POLE2: variants seen among roughly 807,000 people sequenced by gnomAD.
POLE2 encodes DNA polymerase epsilon subunit 2.
Under a neutral mutation model 79.4 loss-of-function variants are expected in POLE2, and 56 were observed. That is an observed-to-expected ratio of 0.71 (90% CI 0.57 to 0.88). POLE2 has a LOEUF of 0.88. POLE2 is among the 40% of genes least tolerant of loss of function. The pLI is 0.00. For synonymous variants in POLE2, 212 were observed against 214.0 expected (o/e 0.99, Z 0.08); for missense variants, 598 against 638.9 (o/e 0.94, Z 0.69).
intron 18 of POLE2, among the ~76,000 whole-genome samples, chr14:49,645,439 C>A (rs1483541344): frequency 3.3e-5 from 5 of 152,178 alleles, no homozygotes; most frequent in Non-Finnish European, 7.4e-5. Flanking sequence ...TTCAATATAT[C>A]TTGAAACTTT....
chr14:49,686,487 T>C (rs1887146927), intron 1 of POLE2, among the ~76,000 whole-genome samples: 1 of 152,114 alleles, frequency 6.6e-6, no homozygotes. Context: ...TTTGAGATGA[T>C]CCATCTTGAC....
chr14:49,677,619 A>T lies in POLE2; in HGVS notation c.245+2106T>A, dbSNP rs1886378045. On this transcript the variant is annotated intron_variant, in intron 3 of 18. Transcript: ENST00000216367. ...AGCAGTCACTGTGTCATTGATGAAC[A>T]GACTGATGTCTGGTCCCTGGGCTGT... 5.1e-6 allele frequency: 3 copies of T among 589,666 alleles called. No individual in the cohort carries two copies. In the Admixed American group the frequency reaches 9.0e-5, roughly 18 times the overall value. The allele number at this position is 589,666 out of a possible 1,614,324, so 36.5% of individuals were successfully genotyped here.
chr14:49,677,313 A>G, intron 3 of POLE2: 1 of 532,056 alleles, frequency 1.9e-6, no homozygotes, highest in Non-Finnish European at 3.4e-6. Flanking sequence ...ATGGAGAGAA[A>G]GGCCGAAGGA....
Position 49,655,909 on chromosome 14 carries a change from A to C in POLE2, c.756-66T>G, listed in dbSNP as rs530936597. On this transcript the variant is annotated intron_variant, in intron 10 of 18. Transcript: ENST00000216367. ...AGATATTTTTCTAATAGTTGTATAC[A>C]TTTAGCTTCTTTGTATCTAATGAAG... The C allele has an allele frequency of 1.1e-5, 9 of 818,588 alleles. No individual in the cohort carries two copies. The East Asian group carries it at 2.4e-4, about 22-fold the overall frequency. The allele number at this position is 818,588 out of a possible 1,614,324, so 50.7% of individuals were successfully genotyped here.
intron 3 of POLE2, among the ~76,000 whole-genome samples, chr14:49,674,716 A>AGG (rs1186843079): frequency 6.6e-6 from 1 of 151,956 alleles, no homozygotes; most frequent in Non-Finnish European, 1.5e-5. Flanking sequence ...ACAGGCATGC[A>AGG]CCACCACGTC....
Position 49,688,120 on chromosome 14 carries a change from G to T in POLE2, c.68+16C>A. On this transcript the variant is annotated intron_variant, in intron 1 of 18. Coordinates refer to ENST00000216367, the MANE Select transcript of POLE2 (RefSeq NM_002692.4). ...GCTCTTCCCTCTCGCCCTTCAAGCT[G>T]CCCGAGCCCACTCACCCACGGAGCA... The T allele has an allele frequency of 6.5e-7, 1 of 1,546,398 alleles. No homozygotes were observed. The highest frequency in any genetic ancestry group is 8.7e-7 in the Non-Finnish European group (1 of 1,143,976).
In POLE2 at chr14:49,683,731, T is replaced by G. The variant is rs770013928; in HGVS notation, c.69-38A>C. The G allele has an allele frequency of 1.2e-5, 13 of 1,043,118 alleles. No individual in the cohort carries two copies. In the East Asian group the frequency reaches 3.1e-4, roughly 25 times the overall value. 64.6% of individuals were successfully genotyped at this position (1,043,118 alleles called of 1,614,324 possible). A position where few individuals can be genotyped will look rare whatever the true frequency, so the allele number is the denominator to read the frequency against. On this transcript the variant is annotated intron_variant, in intron 1 of 18. Coordinates refer to ENST00000216367, the MANE Select transcript of POLE2 (RefSeq NM_002692.4). ...AAGGAAAAATGAGGCAGGTCATTAGTAATTAAAGGCTAAAAGTTTTCTGCC... is the reference window on the plus strand; with the variant it reads ...AAGGAAAAATGAGGCAGGTCATTAGGAATTAAAGGCTAAAAGTTTTCTGCC...
chr14:49,666,706 A>G (rs576913893), intron 6 of POLE2, among the ~76,000 whole-genome samples: 10 of 152,296 alleles, frequency 6.6e-5, no homozygotes, highest in Admixed American at 2.0e-4. Context: ...TGATAAGTAC[A>G]TTTATTTTTT....
At chr14:49,683,502 T>G (rs1195056410) in intron 2 of POLE2, 91 bp downstream of exon 2, 1 of 641,036 alleles carries the variant, frequency 1.6e-6, no homozygotes, top group Non-Finnish European at 2.8e-6. Flanking sequence ...ATCTTAATAG[T>G]GAAGCCTCAA....
intron 2 of POLE2, among the ~76,000 whole-genome samples, chr14:49,680,268 T>C (rs540137290): frequency 2.9e-4 from 44 of 152,014 alleles, no homozygotes; most frequent in Non-Finnish European, 5.4e-4. Context: ...GAGGATCACC[T>C]GAGCCCAGGG....
intron 3 of POLE2, among the ~76,000 whole-genome samples, chr14:49,676,108 C>T (rs958814149): frequency 1.3e-5 from 2 of 152,086 alleles, no homozygotes; most frequent in African/African-American, 2.4e-5. Context: ...GGAAAAAGAG[C>T]TCCCCCTCCA....
rs1246332224 is a variant in POLE2 at position 49,683,627 on chromosome 14, C to T, written c.135G>A (p.Leu45=). The change falls in exon 2 of 19, where the codon CTG becomes CTA. Residue 45 remains leucine, a synonymous_variant. Transcript: ENST00000216367. The stretch of plus-strand genomic sequence containing the variant: ...TCTCAACTGCATTAATTATCTTTTC[C>T]AGTTTATCTTCAAGCTCTAATTCAC... The part of the protein sequence containing the change: ...SISELELEDK[L]EKIINAVEKQ... The T allele has an allele frequency of 6.3e-7, 1 of 1,586,978 alleles. No homozygotes were observed. Among genetic ancestry groups the T allele is most frequent in the Non-Finnish European group, 8.6e-7 (1 of 1,157,350 alleles).
rs1162033821 is a variant in POLE2 at position 49,646,302 on chromosome 14, GTTTTTTTTTTTTTT to G, written c.1565+977_1565+990del. Among the ~76,000 whole-genome samples the G allele has an allele frequency of 1.1e-4, 9 of 84,576 alleles. No homozygotes were observed. The East Asian group carries it at 3.7e-3, about 35-fold the overall frequency. 55.5% of individuals were successfully genotyped at this position (84,576 alleles called of 152,430 possible). On this transcript the variant is annotated intron_variant, in intron 18 of 18. Transcript: ENST00000216367. ...GATTTGGTCAGTTGTTTTTTTGTTG[GTTTTTTTTTTTTTT>G]TTTTTTTTTTTTTTTTTTTGAGATA...
intron 13 of POLE2, 25 bp from the exon 14 acceptor site, chr14:49,654,239 A>T (rs1379480515): frequency 6.7e-7 from 1 of 1,499,084 alleles, no homozygotes; most frequent in African/African-American, 1.4e-5. Flanking sequence ...AACACAATTC[A>T]TTTAAAAATA....
intron 15 of POLE2, 24 bp from the exon 16 acceptor site, chr14:49,651,401 T>C (rs45470293): frequency 2.0e-6 from 2 of 1,011,532 alleles, no homozygotes; most frequent in African/African-American, 3.2e-5. Context: ...AGTAGTTGAA[T>C]TTGACTTCTC....
intron 6 of POLE2, among the ~76,000 whole-genome samples, chr14:49,667,204 C>A (rs1156696680): frequency 1.3e-5 from 2 of 149,860 alleles, no homozygotes; most frequent in East Asian, 1.9e-4. Flanking sequence ...ACAAAAAAAA[C>A]AAAAAACTTT....
intron 3 of POLE2, chr14:49,677,358 C>A: frequency 2.0e-6 from 1 of 508,632 alleles, no homozygotes. Context: ...TCAAATCCTT[C>A]AGCTCCTGCT....
chr14:49,672,921 G>A (rs1384840505), intron 5 of POLE2, among the ~76,000 whole-genome samples: 1 of 152,134 alleles, frequency 6.6e-6, no homozygotes, highest in African/African-American at 2.4e-5. Context: ...CATAGCTCCA[G>A]ATGTACACTT....
chr14:49,686,661 T>C (rs1887160956), intron 1 of POLE2, among the ~76,000 whole-genome samples: 1 of 152,210 alleles, frequency 6.6e-6, no homozygotes, highest in African/African-American at 2.4e-5. Context: ...ACAAAGCTCT[T>C]GCTCTCTATT....
Sources: allele counts gnomAD v4.1 joint callset (sites outside exome capture counted in the v4.1 genomes callset), GRCh38; gene constraint gnomAD v4.1.1; transcripts MANE v1.5; gene names NCBI Gene and HGNC (gene_info 2026-07-23, HGNC 2026-07-21).